TRIQK: variants seen among roughly 807,000 people sequenced by gnomAD.
TRIQK encodes triple QxxK/R motif-containing protein.
A neutral mutation model predicts 10.8 loss-of-function variants in TRIQK; 10 were observed. The observed-to-expected ratio is 0.92, with a 90% CI of 0.57 to 1.57. The LOEUF (loss-of-function observed/expected upper bound fraction) is 1.57. Ranked by LOEUF, TRIQK falls within the 40% of genes most tolerant of loss-of-function variation. The pLI, the probability that TRIQK is intolerant of heterozygous loss-of-function variation, is 0.00. For synonymous variants in TRIQK, 33 were observed against 33.7 expected (o/e 0.98, Z 0.07); for missense variants, 107 against 97.7 (o/e 1.09, Z -0.40).
rs1808500054 is a variant in TRIQK at position 92,894,714 on chromosome 8, T to C, written c.62-2640A>G. Among the ~76,000 whole-genome samples, 4 of 152,168 alleles carry C rather than the reference T, an allele frequency of 2.6e-5. No individual in the cohort carries two copies. The South Asian group carries it at 8.3e-4, about 31-fold the overall frequency. On this transcript the variant is annotated intron_variant, in intron 3 of 4. Transcript: ENST00000521988. The stretch of plus-strand genomic sequence containing the variant: ...TGTATGAACTAACCTATTAGTTCTT[T>C]ATGTGTTTCATAATTTTAAATTGAA...
intron 1 of TRIQK, among the ~76,000 whole-genome samples, chr8:93,005,403 A>T (rs576856704): frequency 1.3e-3 from 197 of 152,302 alleles, no homozygotes; most frequent in African/African-American, 4.5e-3. Context: ...ACCTCCCACT[A>T]GGTCCCTCTC....
chr8:92,998,822 G>T (rs979740049), intron 1 of TRIQK, among the ~76,000 whole-genome samples: 4 of 152,014 alleles, frequency 2.6e-5, no homozygotes, highest in African/African-American at 4.8e-5. Context: ...TTCCAGGACA[G>T]CCTAATATTT....
chr8:92,902,127 G>A (rs576682744), intron 3 of TRIQK, among the ~76,000 whole-genome samples: 10 of 152,062 alleles, frequency 6.6e-5, no homozygotes, highest in South Asian at 4.2e-4. Context: ...CACTGGTTCC[G>A]AGCCCAGCAG....
chr8:93,000,324 G>A (rs963607275), intron 1 of TRIQK, among the ~76,000 whole-genome samples: 5 of 152,174 alleles, frequency 3.3e-5, no homozygotes, highest in African/African-American at 4.8e-5. Context: ...TGGACTCACA[G>A]TTCTACATGG....
intron 4 of TRIQK, among the ~76,000 whole-genome samples, chr8:92,887,667 C>T (rs1816558329): frequency 2.0e-5 from 3 of 151,484 alleles, no homozygotes; most frequent in Admixed American, 1.3e-4. Context: ...TTACCTAGCA[C>T]TGCTTTACAG....
chr8:92,904,821 A>G (rs77927472), intron 3 of TRIQK, among the ~76,000 whole-genome samples: 2,907 of 152,286 alleles, frequency 0.019, 88 homozygotes, highest in African/African-American at 0.066. Context: ...TCATTCAGAT[A>G]TATACATAAA....
At chr8:92,898,782 C>T (rs1212104024) in intron 3 of TRIQK, among the ~76,000 whole-genome samples, 2 of 142,108 alleles carry the variant, frequency 1.4e-5, no homozygotes, top group Non-Finnish European at 3.0e-5. Flanking sequence ...GTTTCAAATT[C>T]TCTTTTTGTT....
intron 1 of TRIQK, among the ~76,000 whole-genome samples, chr8:92,982,342 G>A (rs1200765445): frequency 6.6e-6 from 1 of 151,812 alleles, no homozygotes; most frequent in African/African-American, 2.4e-5. Flanking sequence ...TATATTCCTT[G>A]AATTTCAATA....
chr8:92,921,376 CCTT>C (rs1237875872), intron 2 of TRIQK: 1 of 151,738 alleles, frequency 6.6e-6, no homozygotes, highest in East Asian at 1.9e-4. Context: ...TACATGTTCT[CCTT>C]TTTTTTTCCT....
Position 92,965,402 on chromosome 8 carries a change from A to G in TRIQK, c.-181+605T>C, listed in dbSNP as rs147430077. On this transcript the variant is annotated intron_variant, in intron 1 of 4. Transcript: ENST00000521988. ...GCCCCACAACCTCACCACCACCGAT[A>G]AAGCCACCTAATCCTGTCTGAATCT... is the stretch of plus-strand genomic sequence containing the variant. The G allele has an allele frequency of 3.3e-5, 5 of 152,428 alleles. No homozygotes were observed. In the East Asian group the frequency reaches 9.7e-4, roughly 29 times the overall value. The allele number at this position is 152,428 out of a possible 1,614,324, so 9.4% of individuals were successfully genotyped here.
At chr8:92,911,887 ATATG>A (rs1809589573) in intron 3 of TRIQK, among the ~76,000 whole-genome samples, 1 of 143,090 alleles carries the variant, frequency 7.0e-6, no homozygotes, top group Non-Finnish European at 1.5e-5. Flanking sequence ...ATATATATGT[ATATG>A]TGTGTGTAGA....
chr8:92,891,407 T>C (rs955199522), intron 4 of TRIQK, among the ~76,000 whole-genome samples: 1 of 151,892 alleles, frequency 6.6e-6, no homozygotes, highest in Non-Finnish European at 1.5e-5. Flanking sequence ...ACATGGGCAA[T>C]AATGTAAATG....
At chr8:92,989,514 G>T (rs1369315162) in intron 1 of TRIQK, among the ~76,000 whole-genome samples, 3 of 152,200 alleles carry the variant, frequency 2.0e-5, no homozygotes, top group South Asian at 4.1e-4. Context: ...AACCCCCCAT[G>T]TGAAGGATAT....
intron 1 of TRIQK, among the ~76,000 whole-genome samples, chr8:92,992,928 T>G (rs58891859): frequency 0.13 from 20,452 of 152,146 alleles, 1,389 homozygotes; most frequent in East Asian, 0.19. Context: ...ACTGATTCAT[T>G]TACTCATATT....
At chr8:92,998,556 C>T (rs1313829671) in intron 1 of TRIQK, among the ~76,000 whole-genome samples, 2 of 151,898 alleles carry the variant, frequency 1.3e-5, no homozygotes, top group Non-Finnish European at 2.9e-5. Flanking sequence ...ACAAAACTCC[C>T]CCATTTGGTG....
intron 2 of TRIQK, among the ~76,000 whole-genome samples, chr8:92,920,891 T>C (rs547371905): frequency 4.6e-4 from 70 of 151,802 alleles, no homozygotes; most frequent in African/African-American, 1.0e-3. Context: ...GCAAACTCTA[T>C]AGAGTTTATA....
chr8:92,933,614 A>T (rs946177674), intron 2 of TRIQK, among the ~76,000 whole-genome samples: 8 of 152,114 alleles, frequency 5.3e-5, no homozygotes, highest in Admixed American at 3.9e-4. Flanking sequence ...GAATAAAACC[A>T]GTGTTCTTTG....
At chr8:92,901,293 G>C (rs1209676496) in intron 3 of TRIQK, among the ~76,000 whole-genome samples, 1 of 152,080 alleles carries the variant, frequency 6.6e-6, no homozygotes, top group Non-Finnish European at 1.5e-5. Flanking sequence ...GAATAACGGG[G>C]GTGGAAAGTG....
intron 2 of TRIQK, among the ~76,000 whole-genome samples, chr8:92,946,276 TA>T (rs1371033334): frequency 5.3e-5 from 8 of 152,128 alleles, no homozygotes; most frequent in African/African-American, 1.9e-4. Context: ...TCTCCCCCCC[TA>T]AATATGGAAA....
Sources: gnomAD v4.1 joint callset for allele counts (sites outside exome capture counted in the v4.1 genomes callset) on GRCh38, gnomAD v4.1.1 for gene constraint, MANE v1.5 for transcripts, NCBI Gene and HGNC (gene_info 2026-07-23, HGNC 2026-07-21) for gene names.